The following DAB1 variants were observed in gnomAD, a reference collection of about 807,000 sequenced individuals.
DAB1 encodes DAB adaptor protein 1.
Under a neutral mutation model 64.6 loss-of-function variants are expected in DAB1, and 15 were observed. That is an observed-to-expected ratio of 0.23 (90% CI 0.16 to 0.36). The LOEUF (loss-of-function observed/expected upper bound fraction) is 0.36, where lower values mean the gene tolerates loss of function less well. DAB1 is among the 10% of genes least tolerant of loss of function. The pLI is 1.00. For synonymous variants in DAB1, 235 were observed against 251.9 expected (o/e 0.93, Z 0.64); for missense variants, 596 against 706.7 (o/e 0.84, Z 1.78).
At chr1:57,307,768 A>C (rs549350270) in intron 1 of DAB1, among the ~76,000 whole-genome samples, 3 of 151,994 alleles carry the variant, frequency 2.0e-5, no homozygotes, top group South Asian at 4.2e-4. Flanking sequence ...CTGTTTGTTG[A>C]ATTTAGGCCA....
intron 7 of DAB1, among the ~76,000 whole-genome samples, chr1:57,608,358 G>C (rs1645685680): frequency 6.6e-6 from 1 of 151,726 alleles, no homozygotes. Flanking sequence ...TCTGTTCTCT[G>C]GTCATACAAC....
chr1:57,358,071 A>G (rs1488204737), intron 1 of DAB1, among the ~76,000 whole-genome samples: 2 of 152,042 alleles, frequency 1.3e-5, no homozygotes, highest in African/African-American at 4.8e-5. Flanking sequence ...GGTTTTCTAT[A>G]TATAAGATCA....
intron 1 of DAB1, among the ~76,000 whole-genome samples, chr1:57,853,656 A>T (rs964102387): frequency 6.6e-6 from 1 of 152,238 alleles, no homozygotes; most frequent in Non-Finnish European, 1.5e-5. Context: ...TCAATATGAA[A>T]CATTTCTTAA....
At position 57,290,989 on chromosome 1, in the gene DAB1, G is replaced by A. The variant is rs749634644; in HGVS notation, c.42C>T (p.Ser14=). The change falls in exon 2 of 15, where the codon AGC becomes AGT. Residue 14 remains serine, a synonymous_variant. Transcript: ENST00000371236. ...CTTTCTTTCTGGAGTCTTTCTTGGC[G>A]CTGGTTTTCACAGCTACTTGAAGTT... ...ETELQVAVKT[S]AKKDSRKKGQ... 9.9e-6 allele frequency: 16 copies of A among 1,610,184 alleles called. No individual in the cohort carries two copies. The highest frequency in any genetic ancestry group is 2.2e-5 in the East Asian group (1 of 44,614).
rs778729643 is a variant in DAB1, at chr1:57,291,072, C to T, written c.-42G>A. 20 of 1,445,354 alleles carry T rather than the reference C, an allele frequency of 1.4e-5. No individual in the cohort carries two copies. The highest frequency in any genetic ancestry group is 1.9e-5 in the Admixed American group (1 of 52,744). 89.5% of individuals were successfully genotyped at this position (1,445,354 alleles called of 1,614,324 possible). A position where few individuals can be genotyped will look rare whatever the true frequency, so the allele number is the denominator to read the frequency against. On this transcript the variant is annotated 5_prime_UTR_variant, in exon 2 of 15. Transcript: ENST00000371236. ...TCCACTTCACACAGATCCCGGGCCT[C>T]GGCCAGGCTCATTGAGGACTCTTCT...
At chr1:58,332,767 A>G (rs1663002766) in intron 4 of DAB1, among the ~76,000 whole-genome samples, 1 of 152,260 alleles carries the variant, frequency 6.6e-6, no homozygotes, top group Non-Finnish European at 1.5e-5. Flanking sequence ...GGACTTGAAA[A>G]GGACTTATAA....
At chr1:57,415,527 T>C (rs1030550705) in intron 1 of DAB1, among the ~76,000 whole-genome samples, 1 of 152,216 alleles carries the variant, frequency 6.6e-6, no homozygotes, top group Non-Finnish European at 1.5e-5. Flanking sequence ...TATAAATCTA[T>C]TCAGCTTCCC....
At chr1:58,142,255 A>C (rs1305129869) in intron 5 of DAB1, among the ~76,000 whole-genome samples, 1 of 152,204 alleles carries the variant, frequency 6.6e-6, no homozygotes, top group Non-Finnish European at 1.5e-5. Flanking sequence ...TTGGTCTCTC[A>C]GTCAGACAAG....
chr1:57,208,298 C>G (rs1041352461), intron 2 of DAB1, among the ~76,000 whole-genome samples: 4 of 151,180 alleles, frequency 2.6e-5, no homozygotes, highest in Non-Finnish European at 4.4e-5. Flanking sequence ...CTGACCTGTG[C>G]TCAGATCAGC....
At chr1:57,478,097 C>T (rs562720843) in intron 7 of DAB1, among the ~76,000 whole-genome samples, 455 of 150,658 alleles carry the variant, frequency 3.0e-3, no homozygotes, top group Non-Finnish European at 5.3e-3. Flanking sequence ...GTTCCCCTTC[C>T]TTTGTCCAAG....
chr1:57,468,096 G>A (rs991686324), intron 7 of DAB1, among the ~76,000 whole-genome samples: 4 of 152,156 alleles, frequency 2.6e-5, no homozygotes, highest in African/African-American at 9.7e-5. Flanking sequence ...CTTGATTAAT[G>A]TGTCAGATTC....
At chr1:57,474,146 C>A (rs1043555772) in intron 7 of DAB1, among the ~76,000 whole-genome samples, 4 of 151,838 alleles carry the variant, frequency 2.6e-5, no homozygotes, top group Non-Finnish European at 4.4e-5. Context: ...ATTATAATAC[C>A]GAATATATGA....
chr1:57,635,776 G>A (rs1484930859), intron 7 of DAB1, among the ~76,000 whole-genome samples: 1 of 152,002 alleles, frequency 6.6e-6, no homozygotes, highest in Admixed American at 6.5e-5. Context: ...CAAAATGGTT[G>A]GGGACCGCTG....
chr1:58,353,629 T>C (rs561324987), intron 3 of DAB1, among the ~76,000 whole-genome samples: 2 of 152,296 alleles, frequency 1.3e-5, no homozygotes, highest in Admixed American at 6.5e-5. Context: ...AAAAAGATTT[T>C]CCATGTTTCA....
intron 7 of DAB1, among the ~76,000 whole-genome samples, chr1:57,644,708 T>C (rs1646171934): frequency 6.6e-6 from 1 of 151,798 alleles, no homozygotes; most frequent in Admixed American, 6.6e-5. Flanking sequence ...ATGCATTATT[T>C]ATTTACTAGA....
chr1:58,506,155 C>T, exon 3 of DAB1: 1 of 872,342 alleles, frequency 1.1e-6, no homozygotes, highest in South Asian at 1.3e-5. Context: ...TGCAGGCTAT[C>T]AACGAACTCC....
chr1:57,426,145 G>A (rs1685276562), upstream of DAB1, among the ~76,000 whole-genome samples: 1 of 152,176 alleles, frequency 6.6e-6, no homozygotes, highest in South Asian at 2.1e-4. Flanking sequence ...TGCATCTTAA[G>A]GCCCTACTTA....
At chr1:57,712,197 G>T (rs1302017136) in intron 6 of DAB1, among the ~76,000 whole-genome samples, 3 of 152,140 alleles carry the variant, frequency 2.0e-5, no homozygotes. Context: ...ACACGGTTCT[G>T]CTTAGCACAT....
At chr1:57,154,264 T>A (rs1660000739) in intron 2 of DAB1, among the ~76,000 whole-genome samples, 1 of 152,206 alleles carries the variant, frequency 6.6e-6, no homozygotes, top group African/African-American at 2.4e-5. Context: ...GATTTTTAGA[T>A]CCCACAAATA....
Sources: allele counts gnomAD v4.1 joint callset (sites outside exome capture counted in the v4.1 genomes callset), GRCh38; gene constraint gnomAD v4.1.1; transcripts MANE v1.5; gene names NCBI Gene and HGNC (gene_info 2026-07-23, HGNC 2026-07-21).